The following CACNA2D1 variants were observed in gnomAD, a reference collection of about 807,000 sequenced individuals.
The protein encoded by CACNA2D1 is voltage-dependent calcium channel subunit alpha-2/delta-1.
A neutral mutation model predicts 171.5 loss-of-function variants in CACNA2D1; 53 were observed. The observed-to-expected ratio is 0.31, with a 90% CI of 0.25 to 0.39. The LOEUF is 0.39. Among genes scored for constraint, CACNA2D1 ranks in the 10% least tolerant of loss-of-function variants. The pLI, the probability that CACNA2D1 is intolerant of heterozygous loss-of-function variation, is 1.00. For synonymous variants in CACNA2D1, 442 were observed against 443.1 expected, an observed-to-expected ratio of 1.00 and a Z score of 0.03; for missense variants, 903 against 1,299.8, an observed-to-expected ratio of 0.69 and a Z score of 4.69.
chr7:82,002,994 A>C (rs1207422925), intron 18 of CACNA2D1, among the ~76,000 whole-genome samples: 1 of 152,118 alleles, frequency 6.6e-6, no homozygotes, highest in Non-Finnish European at 1.5e-5. Flanking sequence ...ATTTCTGATA[A>C]AATAATTAAG....
intron 12 of CACNA2D1, among the ~76,000 whole-genome samples, chr7:82,015,176 A>G (rs568606860): frequency 5.3e-5 from 8 of 152,300 alleles, no homozygotes; most frequent in African/African-American, 1.9e-4. Context: ...AAAAAAGCTT[A>G]TTTCCCTATT....
intron 1 of CACNA2D1, among the ~76,000 whole-genome samples, chr7:82,402,272 T>C (rs1368964803): frequency 6.6e-6 from 1 of 152,224 alleles, no homozygotes; most frequent in Non-Finnish European, 1.5e-5. Context: ...GCAATTACCA[T>C]AAAATTCAGA....
At chr7:82,306,817 A>G (rs1015032921) in intron 3 of CACNA2D1, among the ~76,000 whole-genome samples, 2 of 152,062 alleles carry the variant, frequency 1.3e-5, no homozygotes, top group African/African-American at 4.8e-5. Context: ...CATTTAAAAG[A>G]AAACCTTTTA....
intron 27 of CACNA2D1, among the ~76,000 whole-genome samples, chr7:81,970,378 C>G (rs1795144126): frequency 6.6e-6 from 1 of 151,324 alleles, no homozygotes; most frequent in Non-Finnish European, 1.5e-5. Context: ...TGGTTATAAT[C>G]ATTGTGTTCA....
chr7:82,102,296 A>C, intron 6 of CACNA2D1, among the ~76,000 whole-genome samples: 1 of 152,170 alleles, frequency 6.6e-6, no homozygotes, highest in Admixed American at 6.5e-5. Flanking sequence ...ATTTTGAAAC[A>C]TCTTGGGGAA....
chr7:82,295,863 T>C (rs1812211284), intron 3 of CACNA2D1, among the ~76,000 whole-genome samples: 1 of 152,010 alleles, frequency 6.6e-6, no homozygotes, highest in Non-Finnish European at 1.5e-5. Flanking sequence ...CCAACCCAAA[T>C]GTCCAACAAT....
chr7:82,188,760 A>G (rs1798009804), intron 3 of CACNA2D1, among the ~76,000 whole-genome samples: 1 of 152,134 alleles, frequency 6.6e-6, no homozygotes, highest in African/African-American at 2.4e-5. Context: ...AAAACATGGA[A>G]TCAACTTAGA....
At chr7:82,140,304 A>G (rs1792218867) in intron 4 of CACNA2D1, among the ~76,000 whole-genome samples, 1 of 152,218 alleles carries the variant, frequency 6.6e-6, no homozygotes, top group South Asian at 2.1e-4. Context: ...ATACCGTAAA[A>G]CTAAATTTCT....
At chr7:82,437,790 C>T (rs1253588478) in intron 1 of CACNA2D1, among the ~76,000 whole-genome samples, 3 of 151,954 alleles carry the variant, frequency 2.0e-5, no homozygotes, top group African/African-American at 4.8e-5. Flanking sequence ...TGAATTACTA[C>T]AAAAGATGTA....
At position 82,275,796 on chromosome 7, in the gene CACNA2D1, A is replaced by C. The variant is rs577673183; in HGVS notation, c.294+59339T>G. ...GTAAGCACTAAATAATTGTTTTTAG[A>C]TATTACATTTGCTCTTTGACAGACA... On this transcript the variant is annotated intron_variant, in intron 3 of 38. Transcript: ENST00000356860. 3.5e-4 allele frequency among the ~76,000 whole-genome samples: 53 copies of C among 152,322 alleles called. 1 individual carries two copies. The highest frequency in any genetic ancestry group is 6.2e-4 in the South Asian group (3 of 4,826).
rs946559332 is a variant in CACNA2D1 at position 81,955,775 on chromosome 7, A to T, written c.3159+3500T>A. ...GAGAAATTTATTATTTTATGCAAAC[A>T]CAATTTATAAAGCATATTATCTGGT... is the stretch of plus-strand genomic sequence containing the variant. On this transcript the variant is annotated intron_variant, in intron 38 of 38. Transcript: ENST00000356860. Among the ~76,000 whole-genome samples, 3 of 151,506 alleles carry T rather than the reference A, an allele frequency of 2.0e-5. No individual in the cohort carries two copies. In the Admixed American group the frequency reaches 2.0e-4, roughly 10 times the overall value.
intron 10 of CACNA2D1, among the ~76,000 whole-genome samples, chr7:82,038,456 G>A (rs201967723): frequency 6.6e-5 from 10 of 152,154 alleles, no homozygotes; most frequent in Middle Eastern, 6.8e-3. Flanking sequence ...TTATATTCCC[G>A]AAGCCTGCTT....
intron 5 of CACNA2D1, among the ~76,000 whole-genome samples, chr7:82,132,931 C>A (rs1791170177): frequency 6.6e-6 from 1 of 152,106 alleles, no homozygotes; most frequent in African/African-American, 2.4e-5. Flanking sequence ...TAGTTCTTTA[C>A]AAATTCTCAG....
intron 3 of CACNA2D1, among the ~76,000 whole-genome samples, chr7:82,232,857 T>A (rs1051206448): frequency 1.4e-5 from 1 of 73,760 alleles, no homozygotes. Context: ...GAGCGAGATG[T>A]CTCCAAAAAA....
chr7:82,253,818 T>C (rs1427176395), intron 3 of CACNA2D1, among the ~76,000 whole-genome samples: 1 of 152,174 alleles, frequency 6.6e-6, no homozygotes, highest in Non-Finnish European at 1.5e-5. Flanking sequence ...ATTTAGTATG[T>C]TCCCACATGG....
chr7:82,150,280 AAC>A lies in CACNA2D1; in HGVS notation c.355-13606_355-13605del, dbSNP rs1297713231. On this transcript the variant is annotated intron_variant, in intron 4 of 38. Coordinates refer to ENST00000356860, the MANE Select transcript of CACNA2D1 (RefSeq NM_000722.4). ...ATTAAAAAAAAAAAACAAAAACAAC[AAC>A]AAAAAAAAACACCCTAGTAGCTGGG... 3.5e-4 allele frequency among the ~76,000 whole-genome samples: 13 copies of A among 37,086 alleles called. No individual in the cohort carries two copies. The African/African-American group carries it at 3.6e-3, about 10-fold the overall frequency. The allele number at this position is 37,086 out of a possible 152,430, so 24.3% of individuals were successfully genotyped here. A position where few individuals can be genotyped will look rare whatever the true frequency, so the allele number is the denominator to read the frequency against.
At chr7:82,378,363 C>T (rs953796519) in intron 1 of CACNA2D1, among the ~76,000 whole-genome samples, 1 of 152,154 alleles carries the variant, frequency 6.6e-6, no homozygotes, top group Admixed American at 6.5e-5. Context: ...AGTGCCACTG[C>T]ACTTCAGCCT....
chr7:82,152,485 G>C (rs1301424575), intron 4 of CACNA2D1, among the ~76,000 whole-genome samples: 1 of 151,814 alleles, frequency 6.6e-6, no homozygotes, highest in Non-Finnish European at 1.5e-5. Context: ...TCTACAAAAG[G>C]TATAGTTACT....
At chr7:81,958,870 GTAA>G (rs1201786031) in intron 38 of CACNA2D1, among the ~76,000 whole-genome samples, 3 of 150,732 alleles carry the variant, frequency 2.0e-5, no homozygotes, top group South Asian at 2.3e-4. Flanking sequence ...CTAGAACTCT[GTAA>G]TAATAAGACA....
Sources: gnomAD v4.1 joint callset for allele counts (sites outside exome capture counted in the v4.1 genomes callset) on GRCh38, gnomAD v4.1.1 for gene constraint, MANE v1.5 for transcripts, NCBI Gene and HGNC (gene_info 2026-07-23, HGNC 2026-07-21) for gene names.